Variants in KIAA0319L observed in about 807,000 individuals in gnomAD.
KIAA0319L encodes KIAA0319 like, also known as dyslexia-associated protein KIAA0319-like protein.
In KIAA0319L, 55 loss-of-function variants were observed where a neutral mutation model predicts 120.1. The ratio of observed to expected loss-of-function variants is 0.46; its 90% CI spans 0.37 to 0.57. The LOEUF (loss-of-function observed/expected upper bound fraction) is 0.57. KIAA0319L is among the 20% of genes least tolerant of loss of function. The pLI, the probability that KIAA0319L is intolerant of heterozygous loss-of-function variation, is 0.00. For missense variants in KIAA0319L, 1,049 were observed against 1,255.3 expected, an observed-to-expected ratio of 0.84 and a Z score of 2.48; for synonymous variants, 398 against 471.9, an observed-to-expected ratio of 0.84 and a Z score of 2.03.
At chr1:35,494,511 T>C (rs1197049141) in intron 3 of KIAA0319L, among the ~76,000 whole-genome samples, 4 of 151,928 alleles carry the variant, frequency 2.6e-5, no homozygotes, top group African/African-American at 9.7e-5. Flanking sequence ...AAGCTAGAGT[T>C]AGGCCGGGTG....
At chr1:35,515,925 CT>C (rs1260629413) in intron 2 of KIAA0319L, among the ~76,000 whole-genome samples, 1 of 152,172 alleles carries the variant, frequency 6.6e-6, no homozygotes, top group Non-Finnish European at 1.5e-5. Context: ...TTGATCACCT[CT>C]ATGCATACAA....
chr1:35,513,507 C>T (rs952918171), intron 2 of KIAA0319L, among the ~76,000 whole-genome samples: 1 of 151,698 alleles, frequency 6.6e-6, no homozygotes, highest in Non-Finnish European at 1.5e-5. Flanking sequence ...GTCCCAGCTA[C>T]TCAGGAGGCT....
chr1:35,548,246 T>A (rs74064205), intron 2 of KIAA0319L, among the ~76,000 whole-genome samples: 33 of 151,868 alleles, frequency 2.2e-4, no homozygotes, highest in African/African-American at 8.0e-4. Flanking sequence ...GAAGACAGAG[T>A]CTCATCAACT....
rs993233418 is a variant in KIAA0319L at position 35,453,071 on chromosome 1, C to T, written c.1913+486G>A. On this transcript the variant is annotated intron_variant, in intron 12 of 20. Coordinates refer to ENST00000325722, the MANE Select transcript of KIAA0319L (RefSeq NM_024874.5). This position sits in a 1 kb window ranked among gnomAD's most constrained non-coding sequence, Gnocchi z 4.1. ...ATGTAATTAGAATTATTTTGATTACCGCCTTTGGCCTCTGGCTAACTTAAT... is the reference window on the plus strand; with the variant it reads ...ATGTAATTAGAATTATTTTGATTACTGCCTTTGGCCTCTGGCTAACTTAAT... Among the ~76,000 whole-genome samples the T allele has an allele frequency of 2.0e-5, 3 of 152,098 alleles. No individual in the cohort carries two copies. Among genetic ancestry groups the T allele is most frequent in the Non-Finnish European group, 4.4e-5 (3 of 68,026 alleles).
intron 15 of KIAA0319L, among the ~76,000 whole-genome samples, chr1:35,448,588 T>C (rs1001399190): frequency 6.6e-6 from 1 of 152,000 alleles, no homozygotes; most frequent in African/African-American, 2.4e-5. Context: ...AGTGATGCAA[T>C]GAGGGGTGGG....
At chr1:35,471,061 G>A in intron 5 of KIAA0319L, 101 bp from the exon 6 acceptor site, 1 of 762,256 alleles carries the variant, frequency 1.3e-6, no homozygotes, top group Non-Finnish European at 2.3e-6. Context: ...ATCTTGACAA[G>A]GCTTTAGTTT....
In KIAA0319L at chr1:35,471,937, T is replaced by G. The variant is rs1643651060; in HGVS notation, c.1016-977A>C. On this transcript the variant is annotated intron_variant, in intron 5 of 20. Coordinates refer to ENST00000325722, the MANE Select transcript of KIAA0319L (RefSeq NM_024874.5). The stretch of plus-strand genomic sequence containing the variant: ...CTTCCTCCTCCAAAACAAGAATTTT[T>G]TTGGCCAGTTGTCAGCGCCAACAGC... Among the ~76,000 whole-genome samples, 2 of 152,144 alleles carry G rather than the reference T, an allele frequency of 1.3e-5. 1 individual carries two copies. Among genetic ancestry groups the G allele is most frequent in the South Asian group, 4.1e-4 (2 of 4,832 alleles).
At position 35,513,432 on chromosome 1, in the gene KIAA0319L, T is replaced by C. The variant is rs866110076; in HGVS notation, c.143-6297A>G. Among the ~76,000 whole-genome samples the C allele has an allele frequency of 5.3e-5, 8 of 151,334 alleles. 1 individual carries two copies. Among genetic ancestry groups the C allele is most frequent in the Admixed American group, 4.0e-4 (6 of 15,130 alleles). On this transcript the variant is annotated intron_variant, in intron 2 of 20. Coordinates refer to ENST00000325722, the MANE Select transcript of KIAA0319L (RefSeq NM_024874.5). ...AAGTTTGAGACCAGCCCAGGCAACATAGCGAGACCTTGTCTTTACTAAAAA... is the reference window on the plus strand; with the variant it reads ...AAGTTTGAGACCAGCCCAGGCAACACAGCGAGACCTTGTCTTTACTAAAAA...
chr1:35,441,282 G>C, intron 19 of KIAA0319L, 144 bp from the exon 20 acceptor site: 1 of 702,746 alleles, frequency 1.4e-6, no homozygotes. Context: ...GCCAGGAAAG[G>C]TGGCAACTGT....
intron 1 of KIAA0319L, among the ~76,000 whole-genome samples, chr1:35,555,301 C>T (rs946585913): frequency 2.0e-5 from 3 of 152,202 alleles, no homozygotes; most frequent in Non-Finnish European, 2.9e-5. Flanking sequence ...TCAAAAACTT[C>T]TGTCCAACTA....
intron 9 of KIAA0319L, among the ~76,000 whole-genome samples, chr1:35,457,755 C>T (rs1395307028): frequency 6.6e-6 from 1 of 152,186 alleles, no homozygotes; most frequent in Non-Finnish European, 1.5e-5. Context: ...TTTTATCCTG[C>T]AGTCTCACCT....
chr1:35,459,334 C>T (rs565588786), intron 9 of KIAA0319L, among the ~76,000 whole-genome samples: 3 of 152,130 alleles, frequency 2.0e-5, no homozygotes, highest in Non-Finnish European at 2.9e-5. Context: ...GGGCCAGGCA[C>T]GGTGGCTCAC....
Position 35,454,408 on chromosome 1 carries a change from T to C in KIAA0319L, c.1734A>G (p.Thr578=), listed in dbSNP as rs1172187577. 1 of 1,614,174 alleles carries C rather than the reference T, an allele frequency of 6.2e-7. No homozygotes were observed. ...DYTYQLTVTD[T]IGQQATAQVT... is the part of the protein sequence containing the mutation. ...CTTGAGCAGTGGCCTGCTGTCCTATTGTGTCAGTCACTGTGAGCTGGTAAG... is the reference window on the plus strand; with the variant it reads ...CTTGAGCAGTGGCCTGCTGTCCTATCGTGTCAGTCACTGTGAGCTGGTAAG... Residue 578 remains threonine, a synonymous_variant, in exon 11 of 21, where the codon ACA becomes ACG. Coordinates refer to ENST00000325722, the MANE Select transcript of KIAA0319L (RefSeq NM_024874.5).
chr1:35,497,566 A>G (rs1199617645), intron 3 of KIAA0319L, among the ~76,000 whole-genome samples: 2 of 152,190 alleles, frequency 1.3e-5, no homozygotes, highest in Non-Finnish European at 2.9e-5. Context: ...AGATAGATAT[A>G]AATAAACTAA....
chr1:35,544,291 C>T lies in KIAA0319L; in HGVS notation c.142+10059G>A, dbSNP rs534746120. Among the ~76,000 whole-genome samples the T allele has an allele frequency of 5.9e-5, 9 of 151,588 alleles. No individual in the cohort carries two copies. The South Asian group carries it at 1.7e-3, about 28-fold the overall frequency. ...GGCTGAGGCAGGAGAATCGCTTGAACCCGGAAGGTGGAAGTTACAGTGAGC... is the reference window on the plus strand; with the variant it reads ...GGCTGAGGCAGGAGAATCGCTTGAATCCGGAAGGTGGAAGTTACAGTGAGC... On this transcript the variant is annotated intron_variant, in intron 2 of 20. Transcript: ENST00000325722.
At chr1:35,486,620 GC>G (rs1644395918) in intron 3 of KIAA0319L, among the ~76,000 whole-genome samples, 1 of 149,888 alleles carries the variant, frequency 6.7e-6, no homozygotes, top group South Asian at 2.1e-4. Flanking sequence ...CTATTTTCTG[GC>G]CCGATACAGT....
intron 2 of KIAA0319L, among the ~76,000 whole-genome samples, chr1:35,519,123 T>C (rs1645806710): frequency 6.6e-6 from 1 of 152,080 alleles, no homozygotes; most frequent in African/African-American, 2.4e-5. Flanking sequence ...TGCCCTAAAA[T>C]TATCTTGATT....
intron 3 of KIAA0319L, 70 bp from the exon 4 acceptor site, chr1:35,479,282 C>CT (rs2149141253): frequency 7.8e-7 from 1 of 1,277,538 alleles, no homozygotes; most frequent in African/African-American, 1.5e-5. Context: ...TCTCATGAAA[C>CT]AATAGTCTAT....
At chr1:35,473,166 G>T (rs1278323548) in intron 5 of KIAA0319L, among the ~76,000 whole-genome samples, 1 of 146,630 alleles carries the variant, frequency 6.8e-6, no homozygotes, top group Non-Finnish European at 1.5e-5. Context: ...CACAATCTTG[G>T]CTGACTGCAA....
Sources: gnomAD v4.1 joint callset for allele counts (sites outside exome capture counted in the v4.1 genomes callset) on GRCh38, gnomAD v4.1.1 for gene constraint, Gnocchi (gnomAD v3.1) non-coding constraint, MANE v1.5 for transcripts, NCBI Gene and HGNC (gene_info 2026-07-23, HGNC 2026-07-21) for gene names.